Variants in PTPN1 observed in about 807,000 individuals in gnomAD.
PTPN1 encodes protein tyrosine phosphatase non-receptor type 1.
PTPN1 carries 12 observed loss-of-function variants against 59.9 expected under a neutral mutation model. The ratio of observed to expected loss-of-function variants is 0.20; its 90% CI spans 0.13 to 0.32. The LOEUF is 0.32. Among genes scored for constraint, PTPN1 ranks in the 10% least tolerant of loss-of-function variants. The pLI is 1.00. For missense variants in PTPN1, 356 were observed against 549.2 expected, an observed-to-expected ratio of 0.65 and a Z score of 3.52; for synonymous variants, 178 against 203.6, an observed-to-expected ratio of 0.87 and a Z score of 1.07.
intron 5 of PTPN1, among the ~76,000 whole-genome samples, chr20:50,577,328 C>A (rs1258474092): frequency 2.6e-5 from 4 of 152,228 alleles, no homozygotes; most frequent in Non-Finnish European, 5.9e-5. Context: ...ATGAGCAGAT[C>A]TCTGGCCTGA....
At chr20:50,563,375 G>C (rs1483878969) in intron 2 of PTPN1, among the ~76,000 whole-genome samples, 2 of 152,138 alleles carry the variant, frequency 1.3e-5, no homozygotes, top group African/African-American at 4.8e-5. Context: ...TGAACGAGGG[G>C]CTCTGTATAC....
chr20:50,566,264 G>A (rs982991416), intron 3 of PTPN1, among the ~76,000 whole-genome samples: 2 of 152,194 alleles, frequency 1.3e-5, no homozygotes, highest in Non-Finnish European at 2.9e-5. Context: ...TTTTGGAGAA[G>A]TCAAATTTCC....
intron 1 of PTPN1, among the ~76,000 whole-genome samples, chr20:50,537,413 A>G (rs1379966340): frequency 6.6e-6 from 1 of 152,232 alleles, no homozygotes; most frequent in Non-Finnish European, 1.5e-5. Flanking sequence ...TCCACTGCCC[A>G]TAACATTTTG....
intron 1 of PTPN1, among the ~76,000 whole-genome samples, chr20:50,524,637 C>T (rs548835166): frequency 3.2e-5 from 4 of 124,754 alleles, no homozygotes; most frequent in East Asian, 5.1e-4. Context: ...AGTGCAGTGG[C>T]GCAATCTCGA....
intron 6 of PTPN1, 83 bp downstream of exon 6, chr20:50,578,712 C>T (rs2082849736): frequency 2.7e-6 from 3 of 1,111,746 alleles, no homozygotes; most frequent in South Asian, 1.5e-5. Context: ...AACTGAAGCG[C>T]TCCTCTTCCA....
intron 1 of PTPN1, among the ~76,000 whole-genome samples, chr20:50,552,966 AT>A (rs1312669562): frequency 6.6e-6 from 1 of 152,214 alleles, no homozygotes; most frequent in Non-Finnish European, 1.5e-5. Flanking sequence ...TTATAAAAAA[AT>A]AATCTGCCCA....
chr20:50,535,854 A>G (rs984358173), intron 1 of PTPN1, among the ~76,000 whole-genome samples: 2 of 152,040 alleles, frequency 1.3e-5, no homozygotes, highest in East Asian at 1.9e-4. Context: ...TAATTAAACC[A>G]TATGTACTGG....
rs1025075146 is a variant in PTPN1, at chr20:50,578,647, G to A, written c.702+18G>A. On this transcript the variant is annotated intron_variant, in intron 6 of 9. Coordinates refer to ENST00000371621, the MANE Select transcript of PTPN1 (RefSeq NM_002827.4). ...TCTTGCTGGTAAGGAGGCCCTCGCG[G>A]GTGCCCTGGGGAGCTCCTCTACCTG... 1 of 1,607,042 alleles carries A rather than the reference G, an allele frequency of 6.2e-7. No individual in the cohort carries two copies. Among genetic ancestry groups the A allele is most frequent in the South Asian group, 1.1e-5 (1 of 90,816 alleles).
Position 50,583,095 on chromosome 20 carries a change from C to T in PTPN1, c.*380C>T, listed in dbSNP as rs939760907. 2 of 265,902 alleles carry T rather than the reference C, an allele frequency of 7.5e-6. No homozygotes were observed. Among genetic ancestry groups the T allele is most frequent in the Non-Finnish European group, 1.4e-5 (2 of 140,086 alleles). The allele number at this position is 265,902 out of a possible 1,614,324, so 16.5% of individuals were successfully genotyped here. ...GCCCCCCCCTTGAATCTGCAGGGAG[C>T]AACTCTCCACTCCATATTTATTTAA... On this transcript the variant is annotated 3_prime_UTR_variant, in exon 10 of 10. Transcript: ENST00000371621.
Position 50,578,532 on chromosome 20 carries a change from G to C in PTPN1, c.605G>C (p.Gly202Ala). 6.2e-7 allele frequency: 1 copy of C among 1,614,218 alleles called. No individual in the cohort carries two copies. The highest frequency in any genetic ancestry group is 8.5e-7 in the Non-Finnish European group (1 of 1,180,040). The change falls in exon 6 of 10, where the codon GGG becomes GCG. Residue 202 changes from glycine to alanine, a missense_variant. This residue lies in a region of PTPN1 where 194 missense variants were observed against 344.2 expected (regional missense o/e 0.56). Coordinates refer to ENST00000371621, the MANE Select transcript of PTPN1 (RefSeq NM_002827.4). ...TTTCTTTTCAAAGTCCGAGAGTCAG[G>C]GTCACTCAGCCCGGAGCACGGGCCC... is the stretch of plus-strand genomic sequence containing the variant. The part of the protein sequence containing the change: ...LNFLFKVRES[G>A]SLSPEHGPVV...
chr20:50,564,827 A>G (rs2082771514), intron 2 of PTPN1, 142 bp from the exon 3 acceptor site: 21 of 1,286,536 alleles, frequency 1.6e-5, no homozygotes, highest in Non-Finnish European at 2.1e-5. Flanking sequence ...ACTGATGACT[A>G]ATCTCAACTA....
intron 1 of PTPN1, among the ~76,000 whole-genome samples, chr20:50,548,820 C>A (rs140780535): frequency 6.6e-6 from 1 of 152,166 alleles, no homozygotes; most frequent in Non-Finnish European, 1.5e-5. Flanking sequence ...TGGGTTCATG[C>A]GATTCTCTTG....
intron 5 of PTPN1, among the ~76,000 whole-genome samples, chr20:50,575,283 G>A (rs181919280): frequency 2.0e-5 from 3 of 152,322 alleles, no homozygotes; most frequent in East Asian, 3.9e-4. Flanking sequence ...GGGAGTGCGC[G>A]GCAGCACCTG....
chr20:50,557,907 C>G (rs984944831), intron 1 of PTPN1: 6 of 152,180 alleles, frequency 3.9e-5, no homozygotes, highest in African/African-American at 1.4e-4. Flanking sequence ...CCCAGGACTC[C>G]TGGGCTCAAG....
At chr20:50,527,479 G>C (rs1321132115) in intron 1 of PTPN1, among the ~76,000 whole-genome samples, 1 of 152,152 alleles carries the variant, frequency 6.6e-6, no homozygotes, top group Admixed American at 6.5e-5. Context: ...GAGTAGCTGG[G>C]ATTACAGGTG....
intron 1 of PTPN1, among the ~76,000 whole-genome samples, chr20:50,521,221 T>A (rs903899144): frequency 6.6e-6 from 1 of 152,260 alleles, no homozygotes; most frequent in Non-Finnish European, 1.5e-5. Flanking sequence ...TCTTCTTTTG[T>A]CTAAAGAGGA....
chr20:50,546,238 T>C (rs2082675751), intron 1 of PTPN1, among the ~76,000 whole-genome samples: 1 of 152,192 alleles, frequency 6.6e-6, no homozygotes, highest in African/African-American at 2.4e-5. Flanking sequence ...CTTCATATGC[T>C]TAGTGCTTGC....
rs906669475 is a variant in PTPN1, at chr20:50,583,964, C to G, written c.*1249C>G. Reference sequence around the variant, plus strand: ...CTGCTGGAAACCACACTTCTTGAAACAGCCTGGGTGACGGTCCTTTAGGCA... The same window carrying G: ...CTGCTGGAAACCACACTTCTTGAAAGAGCCTGGGTGACGGTCCTTTAGGCA... On this transcript the variant is annotated 3_prime_UTR_variant, in exon 10 of 10. Transcript: ENST00000371621. 1 of 152,606 alleles carries G rather than the reference C, an allele frequency of 6.6e-6. No homozygotes were observed. Among genetic ancestry groups the G allele is most frequent in the African/African-American group, 2.4e-5 (1 of 41,454 alleles). The allele number at this position is 152,606 out of a possible 1,614,324, so 9.5% of individuals were successfully genotyped here.
chr20:50,548,832 C>T (rs1368700004), intron 1 of PTPN1, among the ~76,000 whole-genome samples: 1 of 152,222 alleles, frequency 6.6e-6, no homozygotes, highest in African/African-American at 2.4e-5. Context: ...ATTCTCTTGC[C>T]TCAGCCTCCT....
Sources: gnomAD v4.1 joint callset for allele counts (sites outside exome capture counted in the v4.1 genomes callset) on GRCh38, gnomAD v4.1.1 for gene constraint, gnomAD v4.1.1 regional missense constraint, MANE v1.5 for transcripts, NCBI Gene and HGNC (gene_info 2026-07-23, HGNC 2026-07-21) for gene names.